COX10: variants seen among roughly 807,000 people sequenced by gnomAD.
COX10 encodes the protein protoheme IX farnesyltransferase, mitochondrial.
A neutral mutation model predicts 37.3 loss-of-function variants in COX10; 27 were observed. That is an observed-to-expected ratio of 0.72 (90% confidence interval 0.53 to 1.00). COX10 has a LOEUF of 1.00. Ranked by LOEUF, COX10 falls within the 50% of genes least tolerant of loss-of-function variation. The pLI is 0.00. For synonymous variants in COX10, 222 were observed against 229.1 expected, an observed-to-expected ratio of 0.97 and a Z score of 0.28; for missense variants, 475 against 563.2, an observed-to-expected ratio of 0.84 and a Z score of 1.59.
At chr17:14,069,760 C>T (rs1231020101) in intron 1 of COX10, 112 bp downstream of exon 1, 1 of 1,318,346 alleles carries the variant, frequency 7.6e-7, no homozygotes, top group Admixed American at 1.8e-5. Context: ...CGAGGTTGGC[C>T]GGCCACCGGT....
intron 3 of COX10, among the ~76,000 whole-genome samples, chr17:14,084,915 C>G (rs1235971919): frequency 6.6e-6 from 1 of 152,212 alleles, no homozygotes; most frequent in South Asian, 2.1e-4. Context: ...CTGCCTCAGC[C>G]TCCCAAAGTG....
At chr17:14,095,921 G>T (rs1284584731) in intron 3 of COX10, among the ~76,000 whole-genome samples, 2 of 152,168 alleles carry the variant, frequency 1.3e-5, no homozygotes, top group East Asian at 1.9e-4. Flanking sequence ...AGTCAAGGAT[G>T]TTTCAGTCTG....
intron 6 of COX10, among the ~76,000 whole-genome samples, chr17:14,195,205 A>G (rs948443285): frequency 6.6e-6 from 1 of 152,256 alleles, no homozygotes; most frequent in African/African-American, 2.4e-5. Context: ...ATAAGCAGCA[A>G]ATACTTAATT....
chr17:14,111,352 A>G (rs966063869), intron 4 of COX10, among the ~76,000 whole-genome samples: 11 of 152,288 alleles, frequency 7.2e-5, no homozygotes, highest in African/African-American at 2.6e-4. Flanking sequence ...CAACGATCAC[A>G]GGGGGAACAA....
chr17:14,126,297 C>T (rs948382881), intron 4 of COX10, among the ~76,000 whole-genome samples: 2 of 152,126 alleles, frequency 1.3e-5, no homozygotes, highest in African/African-American at 2.4e-5. Context: ...ATTCCTTTAG[C>T]CAATCCATTG....
chr17:14,097,967 AG>A (rs907434014), intron 3 of COX10, among the ~76,000 whole-genome samples: 3 of 152,150 alleles, frequency 2.0e-5, no homozygotes, highest in Non-Finnish European at 2.9e-5. Flanking sequence ...GAATAATGAC[AG>A]GAAAAAAAAA....
intron 3 of COX10, among the ~76,000 whole-genome samples, chr17:14,093,414 A>G (rs905595207): frequency 1.3e-5 from 2 of 152,154 alleles, no homozygotes; most frequent in African/African-American, 4.8e-5. Context: ...TTAGAGACCA[A>G]TACTCCCAAA....
chr17:14,070,785 G>A (rs977640264), intron 1 of COX10, among the ~76,000 whole-genome samples: 1 of 152,128 alleles, frequency 6.6e-6, no homozygotes, highest in Non-Finnish European at 1.5e-5. Flanking sequence ...GCTGTCTTCT[G>A]GTCTGTGTGA....
At chr17:14,166,785 CT>C (rs57127092) in intron 5 of COX10, among the ~76,000 whole-genome samples, 35,668 of 100,618 alleles carry the variant, frequency 0.35, 3,649 homozygotes, top group East Asian at 0.48. Flanking sequence ...CTATTTCTTT[CT>C]TTTTTTTTTT....
intron 4 of COX10, among the ~76,000 whole-genome samples, chr17:14,156,332 C>T (rs1386840018): frequency 6.6e-6 from 1 of 152,104 alleles, no homozygotes. Flanking sequence ...AGGGTTCACA[C>T]CATTCTCCTG....
At chr17:14,101,144 G>A (rs1211526946) in intron 3 of COX10, among the ~76,000 whole-genome samples, 1 of 152,148 alleles carries the variant, frequency 6.6e-6, no homozygotes. Flanking sequence ...ACGGGATATA[G>A]CGAGTGACAA....
chr17:14,079,461 A>G (rs933514100), intron 3 of COX10, among the ~76,000 whole-genome samples: 1 of 152,220 alleles, frequency 6.6e-6, no homozygotes, highest in African/African-American at 2.4e-5. Flanking sequence ...TAGCAATAGT[A>G]TGACCTGAGT....
At position 14,207,351 on chromosome 17, in the gene COX10, GTTTT is replaced by G; in HGVS notation, c.*149_*152del. 9.0e-6 allele frequency: 8 copies of G among 891,292 alleles called. No homozygotes were observed. The highest frequency in any genetic ancestry group is 1.3e-5 in the Non-Finnish European group (8 of 639,546). 55.2% of individuals were successfully genotyped at this position (891,292 alleles called of 1,614,324 possible). A position where few individuals can be genotyped will look rare whatever the true frequency, so the allele number is the denominator to read the frequency against. On this transcript the variant is annotated 3_prime_UTR_variant, in exon 7 of 7. Coordinates refer to ENST00000261643, the MANE Select transcript of COX10 (RefSeq NM_001303.4). ...TTCGGTGCTCAGTGATCACTTGACAGTTTTTTTTTTTTTTAAATATTACCCAAAA... is the reference window on the plus strand; with the variant it reads ...TTCGGTGCTCAGTGATCACTTGACAGTTTTTTTTTTAAATATTACCCAAAA...
chr17:14,187,454 A>G (rs1906067302), intron 5 of COX10, among the ~76,000 whole-genome samples: 1 of 152,230 alleles, frequency 6.6e-6, no homozygotes, highest in African/African-American at 2.4e-5. Flanking sequence ...TGGGGAAATT[A>G]TTAAGATATA....
chr17:14,090,433 A>T (rs1328074855), intron 3 of COX10, among the ~76,000 whole-genome samples: 1 of 152,214 alleles, frequency 6.6e-6, no homozygotes, highest in Non-Finnish European at 1.5e-5. Context: ...TTTTAAATTT[A>T]CTAGTAGCTT....
intron 5 of COX10, among the ~76,000 whole-genome samples, chr17:14,179,033 A>G (rs1452283556): frequency 3.9e-5 from 6 of 152,340 alleles, no homozygotes; most frequent in East Asian, 1.9e-4. Context: ...CTTTCTAGCT[A>G]TAATCTACCT....
At chr17:14,077,077 A>G (rs751657850) in intron 3 of COX10, 21 bp downstream of exon 3, 3 of 1,609,330 alleles carry the variant, frequency 1.9e-6, no homozygotes, top group Non-Finnish European at 2.5e-6. Context: ...TTTCTGATAT[A>G]CTTACTTATT....
At chr17:14,112,210 C>T (rs902107058) in intron 4 of COX10, among the ~76,000 whole-genome samples, 2 of 152,150 alleles carry the variant, frequency 1.3e-5, no homozygotes, top group Non-Finnish European at 2.9e-5. Flanking sequence ...TTTGTAAACA[C>T]TCAGTGAACA....
chr17:14,135,688 A>C (rs78610828), intron 4 of COX10, among the ~76,000 whole-genome samples: 1 of 151,964 alleles, frequency 6.6e-6, no homozygotes, highest in African/African-American at 2.4e-5. Flanking sequence ...TCCAAAAATA[A>C]ATTTTTATTC....
Sources: allele counts gnomAD v4.1 joint callset (sites outside exome capture counted in the v4.1 genomes callset), GRCh38; gene constraint gnomAD v4.1.1; transcripts MANE v1.5; gene names NCBI Gene and HGNC (gene_info 2026-07-23, HGNC 2026-07-21).